PRR11: variants seen among roughly 807,000 people sequenced by gnomAD.
The protein encoded by PRR11 is proline-rich protein 11.
Under a neutral mutation model 45.6 loss-of-function variants are expected in PRR11, and 30 were observed. That is an observed-to-expected ratio of 0.66 (90% CI 0.49 to 0.89). The LOEUF (loss-of-function observed/expected upper bound fraction) is 0.89, where lower values mean the gene tolerates loss of function less well. Ranked by LOEUF, PRR11 falls within the 40% of genes least tolerant of loss-of-function variation. PRR11 has a pLI of 0.00. For synonymous variants in PRR11, 128 were observed against 153.5 expected (o/e 0.83, Z 1.23); for missense variants, 373 against 424.8 (o/e 0.88, Z 1.07).
At chr17:59,159,592 G>A (rs1250250697) in intron 1 of PRR11, among the ~76,000 whole-genome samples, 2 of 152,120 alleles carry the variant, frequency 1.3e-5, no homozygotes, top group Non-Finnish European at 2.9e-5. Flanking sequence ...ACAATTATCT[G>A]CTTAAAATCC....
At chr17:59,174,886 C>T in intron 2 of PRR11, 2 of 1,181,794 alleles carry the variant, frequency 1.7e-6, no homozygotes, top group South Asian at 1.2e-5. Context: ...CAGGATACCC[C>T]TCCCTCCCCT....
At chr17:59,163,226 G>C (rs2046662682) in intron 1 of PRR11, among the ~76,000 whole-genome samples, 1 of 152,064 alleles carries the variant, frequency 6.6e-6, no homozygotes, top group Non-Finnish European at 1.5e-5. Context: ...AGATAGCTGG[G>C]ACTACAGCCA....
intron 2 of PRR11, among the ~76,000 whole-genome samples, chr17:59,183,949 A>G (rs1413963780): frequency 7.0e-6 from 1 of 143,498 alleles, no homozygotes; most frequent in Non-Finnish European, 1.5e-5. Flanking sequence ...ACAAAACCAA[A>G]CCAAATTAGC....
chr17:59,185,014 T>G (rs1206179625), intron 2 of PRR11, 40 bp from the exon 3 acceptor site: 1 of 1,591,642 alleles, frequency 6.3e-7, no homozygotes, highest in East Asian at 2.2e-5. Context: ...TTATTCTGAC[T>G]TAGGGGTTTT....
chr17:59,162,907 T>C (rs2046660845), intron 1 of PRR11, among the ~76,000 whole-genome samples: 1 of 151,620 alleles, frequency 6.6e-6, no homozygotes, highest in Admixed American at 6.6e-5. Context: ...TTTGTATTTT[T>C]TTAGTAGAGA....
intron 2 of PRR11, among the ~76,000 whole-genome samples, chr17:59,184,637 A>G (rs1733985637): frequency 6.6e-6 from 1 of 152,104 alleles, no homozygotes; most frequent in South Asian, 2.1e-4. Context: ...TCAAATTTCC[A>G]TTCATGACGC....
In PRR11 at chr17:59,197,761, T is replaced by C; in HGVS notation, c.986T>C (p.Met329Thr). The change falls in exon 9 of 10, where the codon ATG becomes ACG. Residue 329 changes from methionine to threonine, a missense_variant. Physicochemically the swap from Met to Thr is moderately conservative, Grantham distance 81. Transcript: ENST00000262293. The part of the protein sequence containing the change: ...METGTGLTPV[M>T]TQALRRKFQL... ...ACAGGAACAGGACTGACTCCAGTGA[T>C]GACGCAGGCCTTAAGGAGAAAGTTT... is the stretch of plus-strand genomic sequence containing the variant. 1 of 1,613,870 alleles carries C rather than the reference T, an allele frequency of 6.2e-7. No homozygotes were observed. The highest frequency in any genetic ancestry group is 1.1e-5 in the South Asian group (1 of 91,074).
At position 59,176,684 on chromosome 17, in the gene PRR11, C is replaced by CTTTT. The variant is rs71367676; in HGVS notation, c.128+6831_128+6834dup. On this transcript the variant is annotated intron_variant, in intron 2 of 9. Coordinates refer to ENST00000262293, the MANE Select transcript of PRR11 (RefSeq NM_018304.4). ...TGGCGTTGGAATTTGGTTTTTTTGG[C>CTTTT]TTTTTTTTTTTTTTTTTTTTTTTTT... Among the ~76,000 whole-genome samples the CTTTT allele has an allele frequency of 2.4e-3, 92 of 39,010 alleles. 20 individuals carry two copies. Among genetic ancestry groups the CTTTT allele is most frequent in the African/African-American group, 8.3e-3 (68 of 8,242 alleles). 25.6% of individuals were successfully genotyped at this position (39,010 alleles called of 152,430 possible). A position where few individuals can be genotyped will look rare whatever the true frequency, so the allele number is the denominator to read the frequency against.
rs2147860456 is a variant in PRR11 at position 59,204,755 on chromosome 17, G to A, written c.*3124G>A. The A allele has an allele frequency of 6.6e-6, 1 of 152,118 alleles. No homozygotes were observed. The highest frequency in any genetic ancestry group is 6.6e-5 in the Admixed American group (1 of 15,162). The allele number at this position is 152,118 out of a possible 1,614,324, so 9.4% of individuals were successfully genotyped here. The stretch of plus-strand genomic sequence containing the variant: ...AAGAAAAAATGCTTTATGGCCCAGT[G>A]CAGTGGCTCACACCTATAATCCTAG... On this transcript the variant is annotated 3_prime_UTR_variant, in exon 10 of 10. Transcript: ENST00000262293.
At chr17:59,188,080 C>T (rs73993889) in intron 4 of PRR11, among the ~76,000 whole-genome samples, 11,013 of 152,168 alleles carry the variant, frequency 0.072, 857 homozygotes, top group African/African-American at 0.18. Context: ...TACCTAGCAA[C>T]TAGGGAACCT....
intron 4 of PRR11, among the ~76,000 whole-genome samples, chr17:59,191,915 C>T (rs918451870): frequency 6.6e-6 from 1 of 152,300 alleles, no homozygotes; most frequent in East Asian, 1.9e-4. Flanking sequence ...CATTTAACTC[C>T]TCTGGGCCTC....
At chr17:59,189,890 G>T (rs1308147757) in intron 4 of PRR11, among the ~76,000 whole-genome samples, 5 of 151,926 alleles carry the variant, frequency 3.3e-5, no homozygotes, top group Non-Finnish European at 7.4e-5. Flanking sequence ...TTTCTCAGGG[G>T]ACTGAGGTGG....
At chr17:59,172,488 G>T (rs1331036863) in intron 2 of PRR11, among the ~76,000 whole-genome samples, 1 of 152,216 alleles carries the variant, frequency 6.6e-6, no homozygotes, top group Non-Finnish European at 1.5e-5. Flanking sequence ...GGCCAAGGCC[G>T]GAGCCAGCTC....
At chr17:59,168,159 T>TTTTA (rs1453509495) in intron 1 of PRR11, among the ~76,000 whole-genome samples, 2 of 151,504 alleles carry the variant, frequency 1.3e-5, no homozygotes, top group African/African-American at 4.8e-5. Context: ...TTTTATTTTA[T>TTTTA]TTTATTTTAT....
rs754895220 is a variant in PRR11, at chr17:59,193,757, T to C, written c.645+23T>C. On this transcript the variant is annotated intron_variant, in intron 5 of 9. Transcript: ENST00000262293. ...CAGGTAGGTAACAATCTAGTAATGA[T>C]ATGTTTTGATATGTTTTGGTGAGTG... is the stretch of plus-strand genomic sequence containing the variant. 22 of 1,605,654 alleles carry C rather than the reference T, an allele frequency of 1.4e-5. No individual in the cohort carries two copies. In the South Asian group the frequency reaches 1.9e-4, roughly 14 times the overall value.
At chr17:59,188,554 T>C (rs931804348) in intron 4 of PRR11, among the ~76,000 whole-genome samples, 1 of 152,148 alleles carries the variant, frequency 6.6e-6, no homozygotes, top group African/African-American at 2.4e-5. Flanking sequence ...ATGTAGCCGT[T>C]AAGAAGAATG....
At chr17:59,195,533 T>C in intron 7 of PRR11, 90 bp downstream of exon 7, 1 of 798,256 alleles carries the variant, frequency 1.3e-6, no homozygotes, top group Non-Finnish European at 2.0e-6. Context: ...AAAAGATTTT[T>C]TGTGTGTATT....
At chr17:59,179,810 T>C in intron 2 of PRR11, 1 of 1,353,854 alleles carries the variant, frequency 7.4e-7, no homozygotes, top group Non-Finnish European at 1.0e-6. Context: ...CTCCTCAGAT[T>C]CGTCCGACCA....
intron 9 of PRR11, among the ~76,000 whole-genome samples, chr17:59,200,848 C>T (rs1331722996): frequency 6.6e-6 from 1 of 151,418 alleles, no homozygotes; most frequent in Non-Finnish European, 1.5e-5. Flanking sequence ...TGGTCTCAAA[C>T]TCCTGGGCTC....
Sources: allele counts gnomAD v4.1 joint callset (sites outside exome capture counted in the v4.1 genomes callset), GRCh38; gene constraint gnomAD v4.1.1; transcripts MANE v1.5; gene names NCBI Gene and HGNC (gene_info 2026-07-23, HGNC 2026-07-21).